TCERG1: variants seen among roughly 807,000 people sequenced by gnomAD.
TCERG1 encodes the protein TATA box binding protein (TBP)-associated factor, RNA polymerase II, S, 150kD.
A neutral mutation model predicts 144.7 loss-of-function variants in TCERG1; 37 were observed. That is an observed-to-expected ratio of 0.26 (90% CI 0.20 to 0.34). TCERG1 has a LOEUF of 0.34. Ranked by LOEUF, TCERG1 falls within the 10% of genes least tolerant of loss-of-function variation. The probability of loss-of-function intolerance (pLI) is 1.00; values close to 1 mark genes in which losing one functional copy is unlikely to be tolerated. For synonymous variants in TCERG1, 492 were observed against 458.2 expected (o/e 1.07, Z -0.94); for missense variants, 1,027 against 1,380.7 (o/e 0.74, Z 4.06).
Position 146,506,318 on chromosome 5 carries a change from G to C in TCERG1, c.2782-710G>C, listed in dbSNP as rs373467206. On this transcript the variant is annotated intron_variant, in intron 19 of 22. Transcript: ENST00000679501. ...TATCACCAATGAAGCATATCTTTTT[G>C]CTGGTTGGTGAGCCAGCCAGACCTG... Among the ~76,000 whole-genome samples, 28 of 152,152 alleles carry C rather than the reference G, an allele frequency of 1.8e-4. No individual in the cohort carries two copies. In the South Asian group the frequency reaches 5.4e-3, roughly 29 times the overall value.
chr5:146,484,016 A>G (rs1048920464), intron 15 of TCERG1, among the ~76,000 whole-genome samples: 1 of 152,148 alleles, frequency 6.6e-6, no homozygotes, highest in Non-Finnish European at 1.5e-5. Flanking sequence ...ATCCCAACTA[A>G]TAGATATGAC....
rs1480681086 is a variant in TCERG1 at position 146,470,663 on chromosome 5, C to T, written c.1427C>T (p.Pro476Leu). ...KEKLEEKIKE[P>L]IKEPSEEPLP... ...AAGTTAGAAGAGAAGATTAAAGAGC[C>T]AATTAAAGAACCCTCTGAAGAGCCT... is the stretch of plus-strand genomic sequence containing the variant. Residue 476 changes from proline to leucine, a missense_variant, in exon 8 of 23, where the codon CCA becomes CTA. Coordinates refer to ENST00000679501, the MANE Select transcript of TCERG1 (RefSeq NM_001382548.1). 3.7e-6 allele frequency: 6 copies of T among 1,610,246 alleles called. No individual in the cohort carries two copies. The highest frequency in any genetic ancestry group is 5.1e-6 in the Non-Finnish European group (6 of 1,179,106).
intron 1 of TCERG1, among the ~76,000 whole-genome samples, chr5:146,449,970 T>G (rs1048373971): frequency 6.6e-6 from 1 of 152,224 alleles, no homozygotes; most frequent in Non-Finnish European, 1.5e-5. Context: ...TATCATTTCC[T>G]CTGTAAAAAT....
intron 17 of TCERG1, among the ~76,000 whole-genome samples, chr5:146,501,887 CTTTTTTTTTTTT>C (rs70998087): frequency 4.1e-5 from 3 of 73,416 alleles, no homozygotes; most frequent in African/African-American, 1.0e-4. Flanking sequence ...ATCAACTTCA[CTTTTTTTTTTTT>C]TTTTTTTTTT....
Position 146,503,485 on chromosome 5 carries a change from T to C in TCERG1, c.2544T>C (p.Asp848=). The C allele has an allele frequency of 1.2e-6, 2 of 1,614,010 alleles. No homozygotes were observed. Among genetic ancestry groups the C allele is most frequent in the African/African-American group, 2.7e-5 (2 of 75,054 alleles). The change falls in exon 18 of 23, where the codon GAT becomes GAC. Residue 848 remains aspartate (D), a synonymous_variant. Transcript: ENST00000679501. ...GTGATCCACGTTACAAAGCAGTAGA[T>C]AGTTCATCAATGAGAGAAGACCTTT... ...VESDPRYKAV[D]SSSMREDLFK... is the part of the protein sequence containing the mutation.
chr5:146,470,745 G>A lies in TCERG1; in HGVS notation c.1509G>A (p.Lys503=), dbSNP rs763029380. 28 of 1,605,530 alleles carry A rather than the reference G, an allele frequency of 1.7e-5. No homozygotes were observed. The highest frequency in any genetic ancestry group is 2.3e-5 in the Non-Finnish European group (27 of 1,177,250). ...AAGAAGAGCCTATAAAGGAGATAAA[G>A]GAGGTAAAGGGCCATGACCTGTTAA... ...DPKEEPIKEI[K]EEPKEEEMTE... is the part of the protein sequence containing the mutation. The change falls in exon 8 of 23, where the codon AAG becomes AAA. Residue 503 remains lysine (K), a synonymous_variant. Coordinates refer to ENST00000679501, the MANE Select transcript of TCERG1 (RefSeq NM_001382548.1).
chr5:146,455,291 G>C lies in TCERG1; in HGVS notation c.285+10G>C, dbSNP rs747349891. The C allele has an allele frequency of 2.0e-5, 32 of 1,613,042 alleles. No individual in the cohort carries two copies. In the Admixed American group the frequency reaches 5.0e-4, roughly 25 times the overall value. On this transcript the variant is annotated intron_variant, in intron 2 of 22. Transcript: ENST00000679501. Reference sequence around the variant, plus strand: ...CCCTCCACACCTCCAGGTAAAGAATGTAGAGGTTGCCATTTCTTTGTTGGC... The same window carrying C: ...CCCTCCACACCTCCAGGTAAAGAATCTAGAGGTTGCCATTTCTTTGTTGGC...
chr5:146,495,516 C>G lies in TCERG1; in HGVS notation c.2282+2478C>G, dbSNP rs369786728. On this transcript the variant is annotated intron_variant, in intron 16 of 22. Transcript: ENST00000679501. ...ATTGTTATGTATCTGTTGTTCAAAC[C>G]AGGTTTGCAATATATTCATTGTTAA... 1.2e-4 allele frequency among the ~76,000 whole-genome samples: 18 copies of G among 152,096 alleles called. No individual in the cohort carries two copies. In the East Asian group the frequency reaches 3.3e-3, roughly 28 times the overall value.
Position 146,507,098 on chromosome 5 carries a change from G to C in TCERG1, c.2852G>C (p.Gly951Ala). Residue 951 changes from glycine to alanine, a missense_variant, in exon 20 of 23, where the codon GGA becomes GCA. This residue lies in a region of TCERG1 where 133 missense variants were observed against 283.2 expected (regional missense o/e 0.47). Transcript: ENST00000679501. This position sits in a 1 kb window ranked among gnomAD's most constrained non-coding sequence, Gnocchi z 4.6. ...CGAAAAGATCACCGCTGGGAATCTG[G>C]ATCCTTATTGGAAAGAGAGGAGAAA... ...TLRKDHRWES[G>A]SLLEREEKEK... 6.2e-7 allele frequency: 1 copy of C among 1,613,676 alleles called. No homozygotes were observed. Among genetic ancestry groups the C allele is most frequent in the Non-Finnish European group, 8.5e-7 (1 of 1,179,844 alleles).
chr5:146,451,542 C>G (rs936797333), intron 1 of TCERG1, among the ~76,000 whole-genome samples: 1 of 151,478 alleles, frequency 6.6e-6, no homozygotes, highest in Non-Finnish European at 1.5e-5. Context: ...AGGATGGTCT[C>G]GAATTTCTGA....
intron 9 of TCERG1, among the ~76,000 whole-genome samples, chr5:146,472,879 A>G (rs986615098): frequency 1.3e-5 from 2 of 152,088 alleles, no homozygotes; most frequent in African/African-American, 4.8e-5. Flanking sequence ...ACGCCTGGCT[A>G]ATTTTTTGCA....
chr5:146,480,210 TCTCTTAGGCCTG>T, intron 12 of TCERG1, 116 bp downstream of exon 12: 1 of 714,710 alleles, frequency 1.4e-6, no homozygotes. Context: ...GCATGATTGC[TCTCTTAGGCCTG>T]ATAATAAATA....
At chr5:146,487,577 A>T in intron 15 of TCERG1, among the ~76,000 whole-genome samples, 1 of 152,206 alleles carries the variant, frequency 6.6e-6, no homozygotes, top group Admixed American at 6.5e-5. Context: ...CTACAAAAAA[A>T]TGCAAGAACT....
intron 13 of TCERG1, chr5:146,481,488 T>C (rs1765362575): frequency 6.6e-6 from 1 of 152,212 alleles, no homozygotes; most frequent in Non-Finnish European, 1.5e-5. Flanking sequence ...TCACGGACTA[T>C]GTCTTCTATT....
Position 146,483,622 on chromosome 5 carries a change from G to T in TCERG1, c.2156G>T (p.Arg719Ile). Residue 719 changes from arginine to isoleucine, a missense_variant, in exon 15 of 23, where the codon AGA becomes ATA. Arg to Ile is a moderately conservative substitution (Grantham distance 97). Around this residue, in one of 6 missense-constraint regions of TCERG1, gnomAD observed 482 missense variants for 632.6 expected, o/e 0.76. Coordinates refer to ENST00000679501, the MANE Select transcript of TCERG1 (RefSeq NM_001382548.1). The part of the protein sequence containing the change: ...PRYLLLNPKE[R>I]KQVFDQYVKT... ...TACTTACTTCTCAATCCTAAAGAGA[G>T]AAAACAGGTAAAAGGAAAATGGCAT... 6.2e-7 allele frequency: 1 copy of T among 1,609,086 alleles called. No homozygotes were observed. Among genetic ancestry groups the T allele is most frequent in the Non-Finnish European group, 8.5e-7 (1 of 1,177,644 alleles).
rs1475282632 is a variant in TCERG1, at chr5:146,458,998, GCT to G, written c.555_556del (p.Gln186GlyfsTer79). On this transcript the variant is annotated frameshift_variant, in exon 4 of 23. Transcript: ENST00000679501. LOFTEE classifies it high-confidence loss of function. Reference protein sequence around the residue: ...PMLAAQAQVQAQAQAQAQAQA... With the variant: ...PMLAAQAQVQXQAQAQAQAQA... Reference sequence around the variant, plus strand: ...GCTTGCAGCCCAGGCACAGGTTCAGGCTCAGGCCCAGGCGCAGGCTCAGGCCC... The same window carrying G: ...GCTTGCAGCCCAGGCACAGGTTCAGGCAGGCCCAGGCGCAGGCTCAGGCCC... 2 of 1,612,980 alleles carry G rather than the reference GCT, an allele frequency of 1.2e-6. No individual in the cohort carries two copies. The highest frequency in any genetic ancestry group is 2.7e-5 in the African/African-American group (2 of 74,832).
In TCERG1 at chr5:146,469,600, A is replaced by G. The variant is rs1764105460; in HGVS notation, c.1255A>G (p.Ile419Val). Residue 419 changes from isoleucine (I) to valine (V), a missense_variant, in exon 7 of 23, where the codon ATT (isoleucine) becomes GTT (valine). Ile to Val is a conservative substitution (Grantham distance 29, BLOSUM62 3). Around this residue, in one of 6 missense-constraint regions of TCERG1, gnomAD observed 482 missense variants for 632.6 expected, o/e 0.76. Transcript: ENST00000679501. ...ACCCATGATACATCCCCAGGTTGCT[A>G]TTGCAGCTTCACCTGCTACCTTAGC... ...IVPMIHPQVA[I>V]AASPATLAGA... is the part of the protein sequence containing the mutation. 8 of 1,613,218 alleles carry G rather than the reference A, an allele frequency of 5.0e-6. No individual in the cohort carries two copies. The highest frequency in any genetic ancestry group is 6.8e-6 in the Non-Finnish European group (8 of 1,179,530).
At chr5:146,501,694 A>T (rs557104027) in intron 17 of TCERG1, among the ~76,000 whole-genome samples, 1 of 152,250 alleles carries the variant, frequency 6.6e-6, no homozygotes, top group South Asian at 2.1e-4. Flanking sequence ...ACATCACTAC[A>T]TCAGGTGGTT....
At chr5:146,459,482 T>C (rs557521915) in intron 4 of TCERG1, 145 bp downstream of exon 4, 4 of 1,413,950 alleles carry the variant, frequency 2.8e-6, no homozygotes, top group South Asian at 3.0e-5. Context: ...CTAAAACTTT[T>C]GGGTTAGAGG....
Sources: gnomAD v4.1 joint callset for allele counts (sites outside exome capture counted in the v4.1 genomes callset) on GRCh38, gnomAD v4.1.1 for gene constraint, gnomAD v4.1.1 regional missense constraint, Gnocchi (gnomAD v3.1) non-coding constraint, MANE v1.5 for transcripts, NCBI Gene and HGNC (gene_info 2026-07-23, HGNC 2026-07-21) for gene names.